The following PTPRN2 variants were observed in gnomAD, a reference collection of about 807,000 sequenced individuals.
The protein encoded by PTPRN2 is receptor-type tyrosine-protein phosphatase N2.
In PTPRN2, 74 loss-of-function variants were observed where a neutral mutation model predicts 118.8. The observed-to-expected ratio is 0.62, with a 90% CI of 0.52 to 0.76. PTPRN2 has a LOEUF of 0.76. Ranked by LOEUF, PTPRN2 falls within the 30% of genes least tolerant of loss-of-function variation. The probability of loss-of-function intolerance (pLI) is 0.00; values close to 1 mark genes in which losing one functional copy is unlikely to be tolerated. For missense variants in PTPRN2, 1,481 were observed against 1,394.4 expected (o/e 1.06, Z -0.99); for synonymous variants, 641 against 608.0 (o/e 1.05, Z -0.80).
intron 12 of PTPRN2, among the ~76,000 whole-genome samples, chr7:157,724,558 T>C (rs1197678827): frequency 6.6e-6 from 1 of 152,200 alleles, no homozygotes; most frequent in African/African-American, 2.4e-5. Context: ...ATGTGCTAGG[T>C]TAGAGACGTA....
chr7:157,930,067 G>A (rs563456760), intron 11 of PTPRN2, among the ~76,000 whole-genome samples: 123 of 152,226 alleles, frequency 8.1e-4, no homozygotes, highest in Middle Eastern at 3.4e-3. Context: ...ACTGTTTTTC[G>A]GAGCCTGTTG....
At chr7:157,563,773 C>T (rs534567607) in intron 21 of PTPRN2, among the ~76,000 whole-genome samples, 6 of 150,598 alleles carry the variant, frequency 4.0e-5, no homozygotes, top group South Asian at 2.1e-4. Flanking sequence ...ATCAGGACCA[C>T]GTGCTCCCAC....
At chr7:158,150,571 A>C (rs1820884870) in intron 6 of PTPRN2, among the ~76,000 whole-genome samples, 1 of 151,884 alleles carries the variant, frequency 6.6e-6, no homozygotes, top group Non-Finnish European at 1.5e-5. Context: ...GCATTTCTAG[A>C]AGGTCAAGGA....
At chr7:157,933,564 C>T (rs113889256) in intron 11 of PTPRN2, among the ~76,000 whole-genome samples, 3 of 132,762 alleles carry the variant, frequency 2.3e-5, no homozygotes, top group Non-Finnish European at 3.2e-5. Flanking sequence ...GTCACTCTGA[C>T]TGACAGTTTT....
intron 12 of PTPRN2, among the ~76,000 whole-genome samples, chr7:157,698,377 T>A (rs983674589): frequency 6.6e-6 from 1 of 152,238 alleles, no homozygotes; most frequent in African/African-American, 2.4e-5. Context: ...TCTGAAGCTT[T>A]TGAAATCCAA....
chr7:157,706,101 G>T (rs1244044842), intron 12 of PTPRN2, among the ~76,000 whole-genome samples: 1 of 151,682 alleles, frequency 6.6e-6, no homozygotes, highest in Non-Finnish European at 1.5e-5. Flanking sequence ...GTGCCTTCCG[G>T]ATTAACGTGG....
intron 12 of PTPRN2, among the ~76,000 whole-genome samples, chr7:157,844,887 A>C (rs559729301): frequency 6.6e-6 from 1 of 152,304 alleles, no homozygotes; most frequent in East Asian, 1.9e-4. Flanking sequence ...GTGTCCGTGC[A>C]CTGTGACGGC....
chr7:158,481,858 G>A (rs1350781688), intron 2 of PTPRN2, among the ~76,000 whole-genome samples: 2 of 152,122 alleles, frequency 1.3e-5, no homozygotes, highest in Middle Eastern at 3.2e-3. Context: ...AAAACCTCCT[G>A]GAAAAAATTC....
At chr7:158,372,308 A>ACGCTGGTCCCCGGAGCTGGTCCCCCCAG (rs1563213120) in intron 2 of PTPRN2, among the ~76,000 whole-genome samples, 1 of 82,408 alleles carries the variant, frequency 1.2e-5, no homozygotes, top group African/African-American at 4.4e-5. Flanking sequence ...GGTCCCCCCA[A>ACGCTGGTCCCCGGAGCTGGTCCCCCCAG]CGCTGGTCCC....
intron 11 of PTPRN2, among the ~76,000 whole-genome samples, chr7:158,010,394 GT>G (rs1805956953): frequency 6.6e-6 from 1 of 152,180 alleles, no homozygotes; most frequent in South Asian, 2.1e-4. Flanking sequence ...GCATTGGGTG[GT>G]TCCCAGTGGG....
At chr7:157,810,539 C>T (rs567267604) in intron 12 of PTPRN2, among the ~76,000 whole-genome samples, 12 of 116,614 alleles carry the variant, frequency 1.0e-4, no homozygotes, top group East Asian at 5.6e-4. Context: ...GGGTTCTCCA[C>T]GGGGACGGGG....
chr7:158,244,226 T>A (rs1465377412), intron 3 of PTPRN2, among the ~76,000 whole-genome samples: 1 of 135,660 alleles, frequency 7.4e-6, no homozygotes. Context: ...AGCTAGCTCC[T>A]GCTTCTTCAC....
chr7:157,851,764 G>T (rs142634146), intron 12 of PTPRN2, among the ~76,000 whole-genome samples: 187 of 152,362 alleles, frequency 1.2e-3, no homozygotes, highest in African/African-American at 4.4e-3. Flanking sequence ...GGTCCTTCCA[G>T]CCTTCTCTCA....
Position 157,807,404 on chromosome 7 carries a change from A to G in PTPRN2, c.1788+91269T>C, listed in dbSNP as rs137917604. The stretch of plus-strand genomic sequence containing the variant: ...GAGTGTGGGTTCAGAGAGCAGGAAT[A>G]GCACTCCCTGCCCTTGTCATGCTGT... On this transcript the variant is annotated intron_variant, in intron 12 of 22. Transcript: ENST00000389418. Among the ~76,000 whole-genome samples the G allele has an allele frequency of 6.1e-3, 923 of 152,302 alleles. 6 individuals carry two copies. The highest frequency in any genetic ancestry group is 0.021 in the African/African-American group (864 of 41,556).
At chr7:157,689,397 G>A (rs528936619) in intron 12 of PTPRN2, among the ~76,000 whole-genome samples, 2 of 152,342 alleles carry the variant, frequency 1.3e-5, no homozygotes, top group South Asian at 4.1e-4. Context: ...GCCGCTGTCC[G>A]AGGACGGAGG....
At chr7:158,409,841 T>C (rs73731218) in intron 2 of PTPRN2, among the ~76,000 whole-genome samples, 3,909 of 152,292 alleles carry the variant, frequency 0.026, 150 homozygotes, top group African/African-American at 0.087. Flanking sequence ...CATAAAGAGC[T>C]GAGAAGATGT....
rs145624343 is a variant in PTPRN2 at position 158,233,422 on chromosome 7, C to CA, written c.278-28150dup. Among the ~76,000 whole-genome samples, 1,353 of 152,208 alleles carry CA rather than the reference C, an allele frequency of 8.9e-3. 24 individuals are homozygous for CA. Among genetic ancestry groups the CA allele is most frequent in the African/African-American group, 0.031 (1,281 of 41,540 alleles). On this transcript the variant is annotated intron_variant, in intron 3 of 22. Coordinates refer to ENST00000389418, the MANE Select transcript of PTPRN2 (RefSeq NM_002847.5). ...CTGAAGAAAACAATTGAAGACGACACAAAAAACTGGAAAGATATTCCATGC... is the reference window on the plus strand; with the variant it reads ...CTGAAGAAAACAATTGAAGACGACACAAAAAAACTGGAAAGATATTCCATGC...
intron 2 of PTPRN2, among the ~76,000 whole-genome samples, chr7:158,321,528 G>A (rs1474759473): frequency 6.6e-6 from 1 of 152,228 alleles, no homozygotes; most frequent in Non-Finnish European, 1.5e-5. Context: ...AGCTGGAAGT[G>A]CATCACCGCA....
At position 157,845,296 on chromosome 7, in the gene PTPRN2, C is replaced by A. The variant is rs1164724204; in HGVS notation, c.1788+53377G>T. ...GATGGCCTTTCTGTCCTCCCTGCAC[C>A]ACCCAGAGGACATACACAGAGTGAT... On this transcript the variant is annotated intron_variant, in intron 12 of 22. Coordinates refer to ENST00000389418, the MANE Select transcript of PTPRN2 (RefSeq NM_002847.5). This position sits in a 1 kb window ranked among gnomAD's most constrained non-coding sequence, Gnocchi z 4.5. Among the ~76,000 whole-genome samples, 1 of 152,192 alleles carries A rather than the reference C, an allele frequency of 6.6e-6. No individual in the cohort carries two copies. Among genetic ancestry groups the A allele is most frequent in the Non-Finnish European group, 1.5e-5 (1 of 68,038 alleles).
Sources: gnomAD v4.1 joint callset for allele counts (sites outside exome capture counted in the v4.1 genomes callset) on GRCh38, gnomAD v4.1.1 for gene constraint, Gnocchi (gnomAD v3.1) non-coding constraint, MANE v1.5 for transcripts, NCBI Gene and HGNC (gene_info 2026-07-23, HGNC 2026-07-21) for gene names.